The following PFKFB4 variants were observed in gnomAD, a reference collection of about 807,000 sequenced individuals.
PFKFB4 encodes 6-phosphofructo-2-kinase/fructose-2,6-bisphosphatase 4.
Under a neutral mutation model 62.8 loss-of-function variants are expected in PFKFB4, and 42 were observed. That is an observed-to-expected ratio of 0.67 (90% CI 0.52 to 0.86). The LOEUF (loss-of-function observed/expected upper bound fraction) is 0.86, where lower values mean the gene tolerates loss of function less well. Ranked by LOEUF, PFKFB4 falls within the 40% of genes least tolerant of loss-of-function variation. The probability of loss-of-function intolerance (pLI) is 0.00; values close to 1 mark genes in which losing one functional copy is unlikely to be tolerated. For missense variants in PFKFB4, 475 were observed against 627.2 expected (o/e 0.76, Z 2.59); for synonymous variants, 204 against 240.7 (o/e 0.85, Z 1.41).
chr3:48,545,299 T>C (rs1242326789), intron 3 of PFKFB4, among the ~76,000 whole-genome samples: 1 of 152,074 alleles, frequency 6.6e-6, no homozygotes, highest in Non-Finnish European at 1.5e-5. Flanking sequence ...ACCCAGCTAA[T>C]TTTTTGTATT....
intron 7 of PFKFB4, 38 bp from the exon 8 acceptor site, chr3:48,536,501 G>A (rs1469144631): frequency 6.5e-7 from 1 of 1,534,934 alleles, no homozygotes; most frequent in Non-Finnish European, 9.0e-7. Flanking sequence ...CTGTGAGCGT[G>A]GCCAGGGTTC....
chr3:48,549,940 G>C lies in PFKFB4; in HGVS notation c.235C>G (p.Arg79Gly). The C allele has an allele frequency of 6.2e-7, 1 of 1,613,318 alleles. No individual in the cohort carries two copies. Among genetic ancestry groups the C allele is most frequent in the Non-Finnish European group, 8.5e-7 (1 of 1,179,254 alleles). ...PTREFNVGQYRRDVVKTYKSF... is the reference protein window; with the variant it reads ...PTREFNVGQYGRDVVKTYKSF... ...TTGTAGGTCTTGACCACGTCCCGGC[G>C]ATACTGGCCAACATTGAACTCTGGA... is the stretch of plus-strand genomic sequence containing the variant. The change falls in exon 3 of 14, where the codon CGC (arginine) becomes GGC (glycine). Residue 79 changes from arginine to glycine, a missense_variant. By Grantham distance (125) the Arg-to-Gly change is moderately radical. Transcript: ENST00000232375.
chr3:48,545,446 G>A lies in PFKFB4; in HGVS notation c.312-1800C>T, dbSNP rs571338174. On this transcript the variant is annotated intron_variant, in intron 3 of 13. Coordinates refer to ENST00000232375, the MANE Select transcript of PFKFB4 (RefSeq NM_004567.4). Reference sequence around the variant, plus strand: ...AGTGCCCAGCCCTCCTGGCTTTGTTGATCTTTGGATTTTGTGTTTAAACTC... The same window carrying A: ...AGTGCCCAGCCCTCCTGGCTTTGTTAATCTTTGGATTTTGTGTTTAAACTC... Among the ~76,000 whole-genome samples the A allele has an allele frequency of 2.6e-3, 397 of 152,190 alleles. 1 individual carries two copies. Among genetic ancestry groups the A allele is most frequent in the African/African-American group, 9.2e-3 (381 of 41,536 alleles).
chr3:48,522,901 C>T (rs1248068096), intron 12 of PFKFB4, among the ~76,000 whole-genome samples: 1 of 151,292 alleles, frequency 6.6e-6, no homozygotes, highest in Non-Finnish European at 1.5e-5. Flanking sequence ...GCTGGGACTA[C>T]AGGTGCCCGC....
chr3:48,539,564 C>G, intron 5 of PFKFB4, 133 bp downstream of exon 5: 1 of 835,064 alleles, frequency 1.2e-6, no homozygotes, highest in Non-Finnish European at 2.0e-6. Flanking sequence ...GAGACAGCCC[C>G]TCTCATCCCA....
At chr3:48,537,836 A>G (rs902963161) in intron 7 of PFKFB4, among the ~76,000 whole-genome samples, 92 of 152,180 alleles carry the variant, frequency 6.0e-4, no homozygotes, top group African/African-American at 2.1e-3. Flanking sequence ...GTATTACACA[A>G]TCTTATAGAA....
At chr3:48,540,473 C>T (rs1020442134) in intron 4 of PFKFB4, among the ~76,000 whole-genome samples, 1 of 152,212 alleles carries the variant, frequency 6.6e-6, no homozygotes, top group East Asian at 1.9e-4. Flanking sequence ...CAACCCCATC[C>T]AGCCAGGCAC....
intron 1 of PFKFB4, among the ~76,000 whole-genome samples, chr3:48,555,097 A>G (rs1489876094): frequency 6.8e-6 from 1 of 147,726 alleles, no homozygotes; most frequent in Non-Finnish European, 1.5e-5. Context: ...CCTTTCCCCT[A>G]TGTAGTAATA....
intron 13 of PFKFB4, among the ~76,000 whole-genome samples, chr3:48,520,183 G>A (rs1193059489): frequency 6.6e-6 from 1 of 152,114 alleles, no homozygotes; most frequent in African/African-American, 2.4e-5. Context: ...CAACTCCTGG[G>A]GGTGCCTCCT....
upstream of PFKFB4, chr3:48,561,158 A>G (rs1204718890): frequency 1.7e-6 from 2 of 1,146,446 alleles, no homozygotes; most frequent in Admixed American, 5.4e-5. This position sits in a 1 kb window ranked among gnomAD's most constrained non-coding sequence, Gnocchi z 5.2. Context: ...CTGCAGCTCC[A>G]GAGTGGGGTA....
At chr3:48,550,721 T>C (rs1364982898) in intron 1 of PFKFB4, among the ~76,000 whole-genome samples, 1 of 151,662 alleles carries the variant, frequency 6.6e-6, no homozygotes, top group Non-Finnish European at 1.5e-5. Flanking sequence ...TGAACTTCTT[T>C]TCATCATACA....
chr3:48,550,347 CT>C, intron 1 of PFKFB4, 113 bp from the exon 2 acceptor site: 1 of 718,912 alleles, frequency 1.4e-6, no homozygotes, highest in South Asian at 1.6e-5. Context: ...TCAGACGTAT[CT>C]TCTTGGCTTC....
rs2043314626 is a variant in PFKFB4, at chr3:48,556,322, G to C, written c.97+359C>G. The stretch of plus-strand genomic sequence containing the variant: ...CGGCCCACACTCCTTGGCCAGGAGA[G>C]AGGGAAGGGCCTGGGGTGCCCACAG... On this transcript the variant is annotated intron_variant, in intron 1 of 13. Transcript: ENST00000232375. This position sits in a 1 kb window ranked among gnomAD's most constrained non-coding sequence, Gnocchi z 5.7. 2 of 519,046 alleles carry C rather than the reference G, an allele frequency of 3.9e-6. No homozygotes were observed. Among genetic ancestry groups the C allele is most frequent in the Middle Eastern group, 3.5e-4 (1 of 2,856 alleles). 32.2% of individuals were successfully genotyped at this position (519,046 alleles called of 1,614,324 possible).
rs138881496 is a variant in PFKFB4 at position 48,549,893 on chromosome 3, G to A, written c.282C>T (p.Pro94=). The change falls in exon 3 of 14, where the codon CCC becomes CCT. Residue 94 remains proline, a synonymous_variant. Transcript: ENST00000232375. ...KTYKSFEFFL[P]DNEEGLKIRK... Reference sequence around the variant, plus strand: ...TGATTTTCAGGCCCTCTTCATTGTCGGGGAGAAAAAATTCAAAAGATTTGT... The same window carrying A: ...TGATTTTCAGGCCCTCTTCATTGTCAGGGAGAAAAAATTCAAAAGATTTGT... 5.3e-5 allele frequency: 86 copies of A among 1,612,508 alleles called. No individual in the cohort carries two copies. The African/African-American group carries it at 8.3e-4, about 16-fold the overall frequency.
intron 1 of PFKFB4, among the ~76,000 whole-genome samples, chr3:48,555,160 C>T (rs1405746176): frequency 6.6e-6 from 1 of 152,008 alleles, no homozygotes; most frequent in Non-Finnish European, 1.5e-5. Flanking sequence ...CAGACTGGCT[C>T]AGCCTCCCCG....
chr3:48,553,609 G>A (rs2043221777), intron 1 of PFKFB4, among the ~76,000 whole-genome samples: 1 of 152,244 alleles, frequency 6.6e-6, no homozygotes, highest in Admixed American at 6.5e-5. Flanking sequence ...GGAGCGAAGG[G>A]GCCCAAGGGG....
chr3:48,552,319 G>A (rs747973641), intron 1 of PFKFB4, among the ~76,000 whole-genome samples: 7 of 152,240 alleles, frequency 4.6e-5, no homozygotes, highest in African/African-American at 1.7e-4. Context: ...GCATGGAGGC[G>A]GTGGCCTGGC....
At chr3:48,523,498 C>T in intron 12 of PFKFB4, 39 bp downstream of exon 12, 3 of 1,585,622 alleles carry the variant, frequency 1.9e-6, no homozygotes, top group Non-Finnish European at 2.6e-6. Context: ...GATCCAAGGT[C>T]ATGGCTACCC....
chr3:48,535,010 T>G (rs1320655804), intron 9 of PFKFB4, among the ~76,000 whole-genome samples: 1 of 152,116 alleles, frequency 6.6e-6, no homozygotes, highest in Non-Finnish European at 1.5e-5. Context: ...GGTTTCACCA[T>G]GTTGGCCAGG....
Sources: gnomAD v4.1 joint callset for allele counts (sites outside exome capture counted in the v4.1 genomes callset) on GRCh38, gnomAD v4.1.1 for gene constraint, Gnocchi (gnomAD v3.1) non-coding constraint, MANE v1.5 for transcripts, NCBI Gene and HGNC (gene_info 2026-07-23, HGNC 2026-07-21) for gene names.